The following ALPK1 variants were observed in gnomAD, a reference collection of about 807,000 sequenced individuals.
The protein encoded by ALPK1 is alpha-protein kinase 1.
Under a neutral mutation model 120.6 loss-of-function variants are expected in ALPK1, and 110 were observed. That is an observed-to-expected ratio of 0.91 (90% CI 0.78 to 1.07). The LOEUF (loss-of-function observed/expected upper bound fraction) is 1.07, where lower values mean the gene tolerates loss of function less well. ALPK1 is among the 50% of genes least tolerant of loss of function. The pLI is 0.00. For missense variants in ALPK1, 1,498 were observed against 1,483.9 expected (o/e 1.01, Z -0.16); for synonymous variants, 582 against 560.3 (o/e 1.04, Z -0.55).
At chr4:112,434,710 A>G (rs976156912) in intron 11 of ALPK1, among the ~76,000 whole-genome samples, 1 of 152,220 alleles carries the variant, frequency 6.6e-6, no homozygotes, top group Admixed American at 6.5e-5. Context: ...ACTTGAATAT[A>G]TAATGCTAGG....
intron 2 of ALPK1, chr4:112,357,511 C>G: frequency 2.4e-6 from 2 of 836,460 alleles, no homozygotes. Flanking sequence ...CCACAGCATG[C>G]GCAAGCTGGT....
intron 4 of ALPK1, among the ~76,000 whole-genome samples, chr4:112,394,343 T>G (rs944118877): frequency 6.6e-6 from 1 of 152,220 alleles, no homozygotes; most frequent in Non-Finnish European, 1.5e-5. Context: ...AAACAGAAAT[T>G]GTATAATTTT....
chr4:112,385,190 C>A (rs73841010), intron 4 of ALPK1, among the ~76,000 whole-genome samples: 12,593 of 152,138 alleles, frequency 0.083, 992 homozygotes, highest in African/African-American at 0.21. Context: ...AAACTGAAAA[C>A]GATGTTTTAA....
At chr4:112,429,388 C>A in intron 10 of ALPK1, 135 bp downstream of exon 10, 1 of 673,618 alleles carries the variant, frequency 1.5e-6, no homozygotes, top group Non-Finnish European at 2.5e-6. Flanking sequence ...TGATAAGACT[C>A]CACACCACAT....
chr4:112,351,474 C>CT (rs1325288117), intron 2 of ALPK1, among the ~76,000 whole-genome samples: 7 of 137,520 alleles, frequency 5.1e-5, no homozygotes, highest in East Asian at 4.9e-4. Context: ...TCAGACACTT[C>CT]TTTTTTTTCA....
At chr4:112,339,504 C>CA (rs1257557135) in intron 2 of ALPK1, among the ~76,000 whole-genome samples, 1 of 151,998 alleles carries the variant, frequency 6.6e-6, no homozygotes, top group Non-Finnish European at 1.5e-5. Context: ...ATAAGAAAAA[C>CA]AAAATCAGTC....
chr4:112,334,599 G>A (rs1252497825), intron 2 of ALPK1, among the ~76,000 whole-genome samples: 1 of 152,088 alleles, frequency 6.6e-6, no homozygotes, highest in African/African-American at 2.4e-5. Flanking sequence ...TGGTTTTAAA[G>A]TTTTAAGGTG....
At chr4:112,394,301 T>G (rs866219894) in intron 4 of ALPK1, among the ~76,000 whole-genome samples, 2 of 152,242 alleles carry the variant, frequency 1.3e-5, no homozygotes, top group Non-Finnish European at 2.9e-5. Flanking sequence ...GTTAATGTGA[T>G]ATGACTATTT....
chr4:112,358,626 G>A, intron 2 of ALPK1: 1 of 721,276 alleles, frequency 1.4e-6, no homozygotes, highest in South Asian at 1.5e-5. Context: ...CAGTGGGCTG[G>A]GGGGCCCTGG....
At chr4:112,375,321 A>C (rs1731605494) in intron 2 of ALPK1, among the ~76,000 whole-genome samples, 2 of 151,962 alleles carry the variant, frequency 1.3e-5, no homozygotes, top group Non-Finnish European at 2.9e-5. Flanking sequence ...CTAGGACCAC[A>C]GGTGTGCACC....
intron 2 of ALPK1, among the ~76,000 whole-genome samples, chr4:112,350,686 T>C (rs1730315502): frequency 6.6e-6 from 1 of 152,230 alleles, no homozygotes. Context: ...CTCTGCACTC[T>C]TATCCTGATC....
chr4:112,343,657 AGGCCAGCC>A (rs1290294132), intron 2 of ALPK1: 10 of 152,254 alleles, frequency 6.6e-5, no homozygotes, highest in Admixed American at 6.5e-4. Flanking sequence ...TCGCTGCTGC[AGGCCAGCC>A]TGATCCCATC....
Position 112,400,647 on chromosome 4 carries a change from A to G in ALPK1, c.277-11180A>G, listed in dbSNP as rs1732866393. 2.0e-5 allele frequency among the ~76,000 whole-genome samples: 3 copies of G among 152,198 alleles called. No individual in the cohort carries two copies. In the South Asian group the frequency reaches 6.2e-4, roughly 31 times the overall value. ...ATATAATTTTGGAATTTGGGATGCC[A>G]GTAAATAACATTGATTTTACCCTCC... On this transcript the variant is annotated intron_variant, in intron 4 of 15. Transcript: ENST00000650871.
At chr4:112,312,578 C>CT (rs1728456962) in intron 1 of ALPK1, among the ~76,000 whole-genome samples, 1 of 152,134 alleles carries the variant, frequency 6.6e-6, no homozygotes, top group Admixed American at 6.5e-5. Flanking sequence ...GGCCTAGATT[C>CT]TTAAAAATAT....
At chr4:112,338,986 T>C (rs1370801931) in intron 2 of ALPK1, among the ~76,000 whole-genome samples, 2 of 152,218 alleles carry the variant, frequency 1.3e-5, no homozygotes, top group Non-Finnish European at 2.9e-5. Flanking sequence ...CTCTCTAGCA[T>C]ATGCTTGTGA....
chr4:112,374,221 A>G (rs1251381643), intron 2 of ALPK1, among the ~76,000 whole-genome samples: 1 of 152,238 alleles, frequency 6.6e-6, no homozygotes, highest in Non-Finnish European at 1.5e-5. Flanking sequence ...TGCCATTTCA[A>G]CAATGTTCAC....
intron 4 of ALPK1, among the ~76,000 whole-genome samples, chr4:112,403,131 T>C (rs1323914899): frequency 6.6e-6 from 1 of 152,110 alleles, no homozygotes; most frequent in Non-Finnish European, 1.5e-5. Context: ...GTAGGGAAAC[T>C]CTTTAGCATC....
intron 1 of ALPK1, among the ~76,000 whole-genome samples, chr4:112,311,278 TAATAAC>T (rs1728390160): frequency 6.6e-6 from 1 of 152,188 alleles, no homozygotes; most frequent in Non-Finnish European, 1.5e-5. Flanking sequence ...TAATGATAGT[TAATAAC>T]AATAAGTGGC....
At chr4:112,439,213 C>T (rs1486867) in intron 13 of ALPK1, among the ~76,000 whole-genome samples, 54,453 of 151,826 alleles carry the variant, frequency 0.36, 10,488 homozygotes, top group African/African-American at 0.5. Flanking sequence ...ATTTTTAGAC[C>T]CGTCTTTTCC....
Sources: allele counts gnomAD v4.1 joint callset (sites outside exome capture counted in the v4.1 genomes callset), GRCh38; gene constraint gnomAD v4.1.1; transcripts MANE v1.5; gene names NCBI Gene and HGNC (gene_info 2026-07-23, HGNC 2026-07-21).